TRAPPC12: variants seen among roughly 807,000 people sequenced by gnomAD.
The protein encoded by TRAPPC12 is TPR repeat protein 15.
TRAPPC12 carries 61 observed loss-of-function variants against 69.2 expected under a neutral mutation model. The ratio of observed to expected loss-of-function variants is 0.88; its 90% CI spans 0.72 to 1.09. The LOEUF (loss-of-function observed/expected upper bound fraction) is 1.09. Ranked by LOEUF, TRAPPC12 falls within the 50% of genes least tolerant of loss-of-function variation. The pLI is 0.00. For synonymous variants in TRAPPC12, 469 were observed against 438.9 expected (o/e 1.07, Z -0.86); for missense variants, 1,101 against 1,016.4 (o/e 1.08, Z -1.13).
chr2:3,472,372 C>G (rs1407095176), intron 9 of TRAPPC12: 1 of 152,274 alleles, frequency 6.6e-6, no homozygotes, highest in Non-Finnish European at 1.5e-5. Context: ...GTACCAGCAT[C>G]CCTCAGGTTG....
At chr2:3,419,487 C>G (rs1470328774) in intron 3 of TRAPPC12, among the ~76,000 whole-genome samples, 1 of 152,144 alleles carries the variant, frequency 6.6e-6, no homozygotes, top group Non-Finnish European at 1.5e-5. Flanking sequence ...TCCTGTATTA[C>G]TTGCTGTAGT....
At chr2:3,384,879 T>A (rs1310447416) in intron 1 of TRAPPC12, among the ~76,000 whole-genome samples, 2 of 152,244 alleles carry the variant, frequency 1.3e-5, no homozygotes. Context: ...CTCTGGACCC[T>A]ATATTTTCTT....
chr2:3,459,052 C>T (rs1174403908), intron 7 of TRAPPC12, among the ~76,000 whole-genome samples: 5 of 152,220 alleles, frequency 3.3e-5, no homozygotes, highest in Non-Finnish European at 7.3e-5. Context: ...GTGTGTTCTC[C>T]TGAAGCACAC....
At chr2:3,428,789 C>G (rs575339947) in intron 5 of TRAPPC12, among the ~76,000 whole-genome samples, 1 of 152,110 alleles carries the variant, frequency 6.6e-6, no homozygotes, top group Non-Finnish European at 1.5e-5. Flanking sequence ...TGCCTGGGGC[C>G]GACCCAGCCC....
Position 3,388,170 on chromosome 2 carries a change from C to T in TRAPPC12, c.547C>T (p.Pro183Ser). 3 of 1,608,456 alleles carry T rather than the reference C, an allele frequency of 1.9e-6. No individual in the cohort carries two copies. Among genetic ancestry groups the T allele is most frequent in the Non-Finnish European group, 2.5e-6 (3 of 1,177,686 alleles). ...DGFEPQMVKS[P>S]SFGGASEASA... ...CTTCGAGCCGCAGATGGTGAAGTCG[C>T]CCAGCTTCGGTGGCGCCAGCGAGGC... Residue 183 changes from proline to serine, a missense_variant, in exon 2 of 12, where the codon CCC becomes TCC. Physicochemically the swap from Pro to Ser is moderately conservative, Grantham distance 74 (BLOSUM62 -1). Coordinates refer to ENST00000324266, the MANE Select transcript of TRAPPC12 (RefSeq NM_016030.6).
intron 2 of TRAPPC12, among the ~76,000 whole-genome samples, chr2:3,390,321 A>G (rs1004956689): frequency 6.6e-6 from 1 of 152,372 alleles, no homozygotes; most frequent in East Asian, 1.9e-4. Flanking sequence ...CAGTACAAAC[A>G]TATTTAAGTA....
At chr2:3,469,673 C>A (rs2103162448) in intron 9 of TRAPPC12, among the ~76,000 whole-genome samples, 1 of 152,346 alleles carries the variant, frequency 6.6e-6, no homozygotes, top group African/African-American at 2.4e-5. Flanking sequence ...GCTTCCGCTG[C>A]CTCCTCAGGC....
At chr2:3,456,677 C>T (rs2103131067) in intron 6 of TRAPPC12, 1 of 189,550 alleles carries the variant, frequency 5.3e-6, no homozygotes, top group East Asian at 1.7e-4. Context: ...CTCCCAGGCT[C>T]AGGTGATCCT....
chr2:3,399,733 T>C (rs1661320726), intron 2 of TRAPPC12, among the ~76,000 whole-genome samples: 1 of 152,182 alleles, frequency 6.6e-6, no homozygotes, highest in Non-Finnish European at 1.5e-5. Context: ...AGTGTCACTA[T>C]TTTGAAAGAT....
At chr2:3,412,085 T>C (rs950074484) in intron 3 of TRAPPC12, among the ~76,000 whole-genome samples, 13 of 152,238 alleles carry the variant, frequency 8.5e-5, no homozygotes, top group African/African-American at 3.1e-4. Context: ...ACTGTCTTCT[T>C]GTAGTGCTAT....
At chr2:3,474,736 T>TTC (rs1227756151) in intron 9 of TRAPPC12, among the ~76,000 whole-genome samples, 1 of 152,186 alleles carries the variant, frequency 6.6e-6, no homozygotes, top group Non-Finnish European at 1.5e-5. Context: ...GAAGCTTGCT[T>TTC]TCTCTCTCTC....
intron 3 of TRAPPC12, among the ~76,000 whole-genome samples, chr2:3,411,327 G>A (rs988041051): frequency 3.3e-5 from 5 of 152,166 alleles, no homozygotes; most frequent in Non-Finnish European, 5.9e-5. Context: ...ACATGCACAC[G>A]GTTGATTTCT....
At chr2:3,404,516 C>T (rs1191505206) in intron 3 of TRAPPC12, among the ~76,000 whole-genome samples, 4 of 152,082 alleles carry the variant, frequency 2.6e-5, no homozygotes, top group Non-Finnish European at 5.9e-5. Context: ...GCAAAGCAGC[C>T]TTAGTTACTT....
intron 9 of TRAPPC12, among the ~76,000 whole-genome samples, chr2:3,474,219 G>A (rs1666192046): frequency 6.6e-6 from 1 of 152,160 alleles, no homozygotes; most frequent in South Asian, 2.1e-4. Flanking sequence ...TCTATGAAGG[G>A]GAGTTTATTA....
At position 3,478,828 on chromosome 2, in the gene TRAPPC12, C is replaced by T. The variant is rs959030496; in HGVS notation, c.1878-18C>T. The T allele has an allele frequency of 1.9e-6, 3 of 1,613,022 alleles. No individual in the cohort carries two copies. The East Asian group carries it at 6.7e-5, about 36-fold the overall frequency. ...CCTGGGCTTTCCCCGCTAACTGCCA[C>T]CGTTGCTTGTGTTACAGCGCGTTCC... On this transcript the variant is annotated intron_variant, in intron 10 of 11. Transcript: ENST00000324266.
chr2:3,404,681 A>G (rs191242743), intron 3 of TRAPPC12, among the ~76,000 whole-genome samples: 2 of 152,248 alleles, frequency 1.3e-5, no homozygotes, highest in African/African-American at 4.8e-5. Flanking sequence ...TGTCTTGTTC[A>G]CCAGTGCATC....
intron 1 of TRAPPC12, among the ~76,000 whole-genome samples, chr2:3,383,337 A>G (rs1660311174): frequency 6.6e-6 from 1 of 152,076 alleles, no homozygotes; most frequent in South Asian, 2.1e-4. Flanking sequence ...CTGAAAATAT[A>G]TTCTCTTATA....
Position 3,388,559 on chromosome 2 carries a change from C to G in TRAPPC12, c.936C>G (p.Pro312=), listed in dbSNP as rs371685284. The change falls in exon 2 of 12, where the codon CCC becomes CCG. Residue 312 remains proline, a synonymous_variant. Coordinates refer to ENST00000324266, the MANE Select transcript of TRAPPC12 (RefSeq NM_016030.6). ...ACCGGAGGAACGACGCCTGGCTTCC[C>G]GGCGAGGCTACGCGTGGAGTCCTGC... ...EMDRRNDAWL[P]GEATRGVLRA... 9.3e-6 allele frequency: 15 copies of G among 1,612,774 alleles called. No individual in the cohort carries two copies. The African/African-American group carries it at 1.9e-4, about 20-fold the overall frequency.
Position 3,380,946 on chromosome 2 carries a change from C to T in TRAPPC12, c.-5+1070C>T, listed in dbSNP as rs560356572. ...TTGGTCGGGAAGCTAAGACTCAACA[C>T]AGTTATTGAGACACTGCCTTCAGAG... On this transcript the variant is annotated intron_variant, in intron 1 of 11. Transcript: ENST00000324266. 1.6e-3 allele frequency among the ~76,000 whole-genome samples: 246 copies of T among 152,308 alleles called. 1 individual carries two copies. The highest frequency in any genetic ancestry group is 5.6e-3 in the African/African-American group (234 of 41,568).
Sources: gnomAD v4.1 joint callset for allele counts (sites outside exome capture counted in the v4.1 genomes callset) on GRCh38, gnomAD v4.1.1 for gene constraint, MANE v1.5 for transcripts, NCBI Gene and HGNC (gene_info 2026-07-23, HGNC 2026-07-21) for gene names.